LARP4: variants seen among roughly 807,000 people sequenced by gnomAD.
LARP4 encodes la-related protein 4.
In LARP4, 29 loss-of-function variants were observed where a neutral mutation model predicts 92.9. The ratio of observed to expected loss-of-function variants is 0.31; its 90% CI spans 0.23 to 0.43. LARP4 has a LOEUF of 0.43. LARP4 is among the 20% of genes least tolerant of loss of function. The pLI is 1.00. For missense variants in LARP4, 732 were observed against 860.0 expected, an observed-to-expected ratio of 0.85 and a Z score of 1.86; for synonymous variants, 279 against 284.1, an observed-to-expected ratio of 0.98 and a Z score of 0.18.
intron 1 of LARP4, among the ~76,000 whole-genome samples, chr12:50,418,631 G>A (rs576764405): frequency 8.3e-4 from 126 of 152,098 alleles, no homozygotes; most frequent in African/African-American, 3.0e-3. Flanking sequence ...ACGTTGCCCA[G>A]GCTGGTCTCG....
chr12:50,426,730 T>TGTGTGTGTGG (rs1266518690), intron 1 of LARP4, among the ~76,000 whole-genome samples: 1 of 88,984 alleles, frequency 1.1e-5, no homozygotes, highest in Non-Finnish European at 2.1e-5. Context: ...TGTGTGTGTG[T>TGTGTGTGTGG]GGTTTTTTTT....
intron 1 of LARP4, among the ~76,000 whole-genome samples, chr12:50,409,906 C>T (rs1213747365): frequency 1.3e-5 from 2 of 151,690 alleles, no homozygotes; most frequent in Non-Finnish European, 2.9e-5. Flanking sequence ...GATTCTCTTG[C>T]CTCAGCCTCC....
At chr12:50,422,987 T>A (rs956759356) in intron 1 of LARP4, among the ~76,000 whole-genome samples, 1 of 151,748 alleles carries the variant, frequency 6.6e-6, no homozygotes, top group Non-Finnish European at 1.5e-5. Flanking sequence ...TTGGCTAATT[T>A]TTTTGTATGT....
At chr12:50,473,320 AT>A in intron 13 of LARP4, 94 bp from the exon 14 acceptor site, 1 of 846,268 alleles carries the variant, frequency 1.2e-6, no homozygotes, top group East Asian at 2.7e-5. Flanking sequence ...ATGATGACTA[AT>A]GATGTTGACC....
At chr12:50,464,185 TAAAG>T (rs923599425) in intron 12 of LARP4, among the ~76,000 whole-genome samples, 2 of 152,160 alleles carry the variant, frequency 1.3e-5, no homozygotes, top group Non-Finnish European at 2.9e-5. Context: ...GGATAATTCA[TAAAG>T]AAAAGAGGTT....
intron 8 of LARP4, among the ~76,000 whole-genome samples, chr12:50,448,275 G>A (rs564193453): frequency 1.3e-5 from 2 of 152,202 alleles, no homozygotes; most frequent in African/African-American, 2.4e-5. Context: ...GTTCTTAAGT[G>A]TACAGTTTAG....
chr12:50,431,283 G>A (rs1949621514), intron 4 of LARP4, among the ~76,000 whole-genome samples: 1 of 151,904 alleles, frequency 6.6e-6, no homozygotes, highest in Non-Finnish European at 1.5e-5. Context: ...AAGAAAAAGT[G>A]TAGTCTCCAG....
intron 12 of LARP4, among the ~76,000 whole-genome samples, chr12:50,464,472 A>G (rs1220735365): frequency 3.9e-5 from 6 of 152,178 alleles, no homozygotes; most frequent in Admixed American, 2.0e-4. Flanking sequence ...GCTCACTGCA[A>G]CCTCTGACTC....
intron 3 of LARP4, 101 bp from the exon 4 acceptor site, chr12:50,430,394 A>G (rs1949465106): frequency 4.7e-6 from 3 of 634,810 alleles, no homozygotes; most frequent in Non-Finnish European, 8.5e-6. Flanking sequence ...GTGAATTTTG[A>G]TTGTAGATAC....
intron 10 of LARP4, among the ~76,000 whole-genome samples, chr12:50,457,958 G>C (rs938055257): frequency 2.1e-5 from 3 of 144,280 alleles, no homozygotes; most frequent in African/African-American, 7.8e-5. Flanking sequence ...TTTTAAGACA[G>C]TGTTTTGCCC....
rs528770224 is a variant in LARP4 at position 50,444,896 on chromosome 12, C to T, written c.804+3253C>T. On this transcript the variant is annotated intron_variant, in intron 8 of 15. Coordinates refer to ENST00000398473, the MANE Select transcript of LARP4 (RefSeq NM_052879.5). The stretch of plus-strand genomic sequence containing the variant: ...ACGAATTCTCTTAGTTTTTCCTTAA[C>T]TAAAAATGTCTGGTATTTCACACTC... 2.6e-5 allele frequency among the ~76,000 whole-genome samples: 4 copies of T among 152,216 alleles called. No homozygotes were observed. The East Asian group carries it at 5.8e-4, about 22-fold the overall frequency.
chr12:50,401,910 T>G lies in LARP4; in HGVS notation c.18+882T>G, dbSNP rs1201241596. On this transcript the variant is annotated intron_variant, in intron 1 of 15. Coordinates refer to ENST00000398473, the MANE Select transcript of LARP4 (RefSeq NM_052879.5). The stretch of plus-strand genomic sequence containing the variant: ...TTAATTTCCCTTAATTCTGTCCTCT[T>G]GTGTGCAGTGAGCGTCAGCTGACTG... Among the ~76,000 whole-genome samples the G allele has an allele frequency of 2.6e-5, 4 of 152,220 alleles. No homozygotes were observed. The East Asian group carries it at 7.7e-4, about 29-fold the overall frequency.
At chr12:50,463,702 A>C (rs1184723755) in intron 12 of LARP4, among the ~76,000 whole-genome samples, 1 of 152,100 alleles carries the variant, frequency 6.6e-6, no homozygotes, top group Non-Finnish European at 1.5e-5. Context: ...CTTTGCAGGG[A>C]TCAACCCTGG....
intron 1 of LARP4, among the ~76,000 whole-genome samples, chr12:50,423,609 C>T (rs575377754): frequency 3.3e-5 from 5 of 151,948 alleles, no homozygotes; most frequent in Non-Finnish European, 5.9e-5. Flanking sequence ...CCACCACGCC[C>T]GGCTAATGTT....
chr12:50,459,667 T>C (rs893833365), intron 10 of LARP4, among the ~76,000 whole-genome samples: 2 of 151,562 alleles, frequency 1.3e-5, no homozygotes, highest in Non-Finnish European at 1.5e-5. Flanking sequence ...CTACTAAAAA[T>C]ACAAAAATTA....
chr12:50,432,157 T>C (rs1949753637), intron 4 of LARP4, among the ~76,000 whole-genome samples: 1 of 152,194 alleles, frequency 6.6e-6, no homozygotes, highest in Admixed American at 6.6e-5. Context: ...TCTGCTTCTA[T>C]TGTCTGGGTT....
intron 8 of LARP4, among the ~76,000 whole-genome samples, chr12:50,443,452 G>A (rs1951547702): frequency 6.6e-6 from 1 of 151,944 alleles, no homozygotes; most frequent in African/African-American, 2.4e-5. Flanking sequence ...TAAATTTTTG[G>A]TAGAGTTGGG....
chr12:50,470,321 A>T (rs1956778091), intron 13 of LARP4, among the ~76,000 whole-genome samples: 1 of 152,002 alleles, frequency 6.6e-6, no homozygotes, highest in African/African-American at 2.4e-5. Context: ...CAGTGGTTTT[A>T]TTTTTATTTT....
rs775423697 is a variant in LARP4, at chr12:50,461,261, A to T, written c.1248A>T (p.Thr416=). ...RNFPAERHNP[T]VTGHQEQTYL... ...TTCCAGCTGAACGGCATAACCCCAC[A>T]GTAACTGGGCATCAGGAGCAAACTT... is the stretch of plus-strand genomic sequence containing the variant. The change falls in exon 11 of 16, where the codon ACA becomes ACT. Residue 416 remains threonine, a synonymous_variant. Transcript: ENST00000398473. The T allele has an allele frequency of 6.2e-7, 1 of 1,614,162 alleles. No homozygotes were observed. Among genetic ancestry groups the T allele is most frequent in the African/African-American group, 1.3e-5 (1 of 75,058 alleles).
Sources: gnomAD v4.1 joint callset for allele counts (sites outside exome capture counted in the v4.1 genomes callset) on GRCh38, gnomAD v4.1.1 for gene constraint, MANE v1.5 for transcripts, NCBI Gene and HGNC (gene_info 2026-07-23, HGNC 2026-07-21) for gene names.